Variants in SLC10A7 observed in about 807,000 individuals in gnomAD.
The protein encoded by SLC10A7 is sodium/bile acid cotransporter 7.
A neutral mutation model predicts 43.2 loss-of-function variants in SLC10A7; 29 were observed. The observed-to-expected ratio is 0.67, with a 90% CI of 0.50 to 0.92. SLC10A7 has a LOEUF of 0.92. Ranked by LOEUF, SLC10A7 falls within the 40% of genes least tolerant of loss-of-function variation. The probability of loss-of-function intolerance (pLI) is 0.00; values close to 1 mark genes in which losing one functional copy is unlikely to be tolerated. For missense variants in SLC10A7, 295 were observed against 403.2 expected, an observed-to-expected ratio of 0.73 and a Z score of 2.30; for synonymous variants, 152 against 144.8, an observed-to-expected ratio of 1.05 and a Z score of -0.35.
At chr4:146,405,255 T>C (rs1727583857) in intron 5 of SLC10A7, among the ~76,000 whole-genome samples, 1 of 152,182 alleles carries the variant, frequency 6.6e-6, no homozygotes, top group Admixed American at 6.5e-5. Context: ...ATCTTATCCA[T>C]ACCATTCATG....
At chr4:146,464,646 G>GA (rs202235594) in intron 4 of SLC10A7, among the ~76,000 whole-genome samples, 12 of 139,722 alleles carry the variant, frequency 8.6e-5, no homozygotes, top group East Asian at 4.1e-4. Flanking sequence ...TAATCCAAAA[G>GA]AAAAAAAAAA....
rs529330073 is a variant in SLC10A7 at position 146,459,627 on chromosome 4, A to AC, written c.397-16807dup. Among the ~76,000 whole-genome samples the AC allele has an allele frequency of 5.9e-3, 877 of 149,550 alleles. 5 individuals carry two copies. Among genetic ancestry groups the AC allele is most frequent in the African/African-American group, 0.017 (694 of 41,028 alleles). ...GGACATCCACACACAAAAAAAAAAA[A>AC]CGAAAAACTCTGATGCTTATTCACA... On this transcript the variant is annotated intron_variant, in intron 4 of 11. Coordinates refer to ENST00000335472, the MANE Select transcript of SLC10A7 (RefSeq NM_001029998.6).
At chr4:146,440,623 C>T (rs928136532) in intron 5 of SLC10A7, among the ~76,000 whole-genome samples, 6 of 152,092 alleles carry the variant, frequency 3.9e-5, no homozygotes, top group African/African-American at 1.4e-4. Flanking sequence ...CTAACTGATA[C>T]AGTTTACACA....
rs539096887 is a variant in SLC10A7, at chr4:146,314,645, A to G, written c.472-8636T>C. ...CCAAGGTAATGATGTGACCATCCCC[A>G]TATATGAAGATGGTGTCATCTATGA... On this transcript the variant is annotated intron_variant, in intron 6 of 11. Coordinates refer to ENST00000335472, the MANE Select transcript of SLC10A7 (RefSeq NM_001029998.6). Among the ~76,000 whole-genome samples the G allele has an allele frequency of 2.0e-5, 3 of 152,278 alleles. No individual in the cohort carries two copies. In the East Asian group the frequency reaches 5.8e-4, roughly 29 times the overall value.
intron 4 of SLC10A7, among the ~76,000 whole-genome samples, chr4:146,496,374 G>A (rs1038384853): frequency 1.3e-5 from 2 of 152,118 alleles, no homozygotes; most frequent in African/African-American, 4.8e-5. Context: ...AAGCAAGATG[G>A]TCTCCCTAAC....
intron 5 of SLC10A7, among the ~76,000 whole-genome samples, chr4:146,374,668 A>G (rs1427793603): frequency 6.6e-6 from 1 of 151,116 alleles, no homozygotes; most frequent in African/African-American, 2.4e-5. Context: ...ACACATATAT[A>G]TATATTTTCT....
rs148412197 is a variant in SLC10A7, at chr4:146,462,739, C to G, written c.397-19918G>C. 6.7e-3 allele frequency among the ~76,000 whole-genome samples: 1,019 copies of G among 152,274 alleles called. 10 individuals are homozygous for G. Among genetic ancestry groups the G allele is most frequent in the African/African-American group, 0.023 (972 of 41,548 alleles). On this transcript the variant is annotated intron_variant, in intron 4 of 11. Coordinates refer to ENST00000335472, the MANE Select transcript of SLC10A7 (RefSeq NM_001029998.6). ...CCATGCAATAGCTGTACCACCACAA[C>G]TAATGGACTGCCAAGAGATGATTTA...
At chr4:146,434,537 C>A (rs145730946) in intron 5 of SLC10A7, among the ~76,000 whole-genome samples, 1 of 152,038 alleles carries the variant, frequency 6.6e-6, no homozygotes, top group Non-Finnish European at 1.5e-5. Flanking sequence ...GAGATGATAA[C>A]CTACTGCATT....
chr4:146,260,263 G>A (rs1728141370), intron 10 of SLC10A7, among the ~76,000 whole-genome samples: 1 of 152,116 alleles, frequency 6.6e-6, no homozygotes, highest in Non-Finnish European at 1.5e-5. Context: ...GTTTTGAAAA[G>A]CTGTTACAAT....
intron 6 of SLC10A7, among the ~76,000 whole-genome samples, chr4:146,322,364 T>TCCCC (rs34494809): frequency 9.7e-6 from 1 of 102,610 alleles, no homozygotes; most frequent in Non-Finnish European, 1.9e-5. Flanking sequence ...ATGCTATCCC[T>TCCCC]CCCCCCTCCC....
intron 5 of SLC10A7, among the ~76,000 whole-genome samples, chr4:146,397,088 A>G (rs1377217878): frequency 6.6e-6 from 1 of 152,192 alleles, no homozygotes. Flanking sequence ...TTTCAAAGAT[A>G]AACTACAATT....
intron 5 of SLC10A7, among the ~76,000 whole-genome samples, chr4:146,362,783 T>A (rs150552546): frequency 3.4e-4 from 51 of 152,134 alleles, no homozygotes; most frequent in South Asian, 1.5e-3. Context: ...TGATTAAAGT[T>A]TTCATCGTTT....
chr4:146,355,666 T>G (rs1156406122), intron 5 of SLC10A7, among the ~76,000 whole-genome samples: 1 of 151,834 alleles, frequency 6.6e-6, no homozygotes, highest in Non-Finnish European at 1.5e-5. Context: ...TAGACTGGAT[T>G]AAGAAAATGT....
At chr4:146,403,954 G>GT (rs1399713923) in intron 5 of SLC10A7, among the ~76,000 whole-genome samples, 5 of 152,122 alleles carry the variant, frequency 3.3e-5, no homozygotes, top group Non-Finnish European at 7.4e-5. Flanking sequence ...TATTCTAAAT[G>GT]TTTTCAATTT....
intron 10 of SLC10A7, among the ~76,000 whole-genome samples, chr4:146,269,925 T>C (rs1006188829): frequency 6.6e-6 from 1 of 152,226 alleles, no homozygotes; most frequent in African/African-American, 2.4e-5. Flanking sequence ...CGATTTTTAA[T>C]ATACATTTTG....
intron 5 of SLC10A7, among the ~76,000 whole-genome samples, chr4:146,406,879 A>T (rs1168164039): frequency 6.6e-6 from 1 of 152,150 alleles, no homozygotes; most frequent in Non-Finnish European, 1.5e-5. Flanking sequence ...GCTACTTGGG[A>T]GGCTGAGGCA....
chr4:146,472,363 T>C (rs536031757), intron 4 of SLC10A7, among the ~76,000 whole-genome samples: 3 of 152,228 alleles, frequency 2.0e-5, no homozygotes, highest in Admixed American at 2.0e-4. Context: ...TAATAAACTT[T>C]CTGTCTATAC....
At chr4:146,328,745 C>T (rs1301191787) in intron 5 of SLC10A7, among the ~76,000 whole-genome samples, 2 of 152,160 alleles carry the variant, frequency 1.3e-5, no homozygotes, top group African/African-American at 2.4e-5. Context: ...ACAGAGACTA[C>T]AATACTGTGC....
At chr4:146,365,644 T>C (rs2679153) in intron 5 of SLC10A7, among the ~76,000 whole-genome samples, 1,671 of 152,374 alleles carry the variant, frequency 0.011, 25 homozygotes, top group African/African-American at 0.038. Context: ...TGCTTAGGCT[T>C]TATAAGATAG....
Sources: gnomAD v4.1 joint callset for allele counts (sites outside exome capture counted in the v4.1 genomes callset) on GRCh38, gnomAD v4.1.1 for gene constraint, MANE v1.5 for transcripts, NCBI Gene and HGNC (gene_info 2026-07-23, HGNC 2026-07-21) for gene names.